The following TMEM132C variants were observed in gnomAD, a reference collection of about 807,000 sequenced individuals.
The protein encoded by TMEM132C is transmembrane protein 132C, also known as protein phosphatase 1, regulatory subunit 152.
A neutral mutation model predicts 61.4 loss-of-function variants in TMEM132C; 29 were observed. That is an observed-to-expected ratio of 0.47 (90% CI 0.35 to 0.64). The LOEUF is 0.64. Ranked by LOEUF, TMEM132C falls within the 30% of genes least tolerant of loss-of-function variation. TMEM132C has a pLI of 0.00. For missense variants in TMEM132C, 1,408 were observed against 1,476.9 expected (o/e 0.95, Z 0.76); for synonymous variants, 656 against 633.1 (o/e 1.04, Z -0.54).
chr12:128,604,810 ATG>A lies in TMEM132C; in HGVS notation c.1122-11341_1122-11340del, dbSNP rs1403377577. Among the ~76,000 whole-genome samples, 8 of 148,470 alleles carry A rather than the reference ATG, an allele frequency of 5.4e-5. No homozygotes were observed. The East Asian group carries it at 5.9e-4, about 11-fold the overall frequency. On this transcript the variant is annotated intron_variant, in intron 3 of 8. Coordinates refer to ENST00000435159, the MANE Select transcript of TMEM132C (RefSeq NM_001136103.3). The stretch of plus-strand genomic sequence containing the variant: ...TGAATAGATAGTAGATAGATGATGG[ATG>A]GATGGATGGATGGATAATAGATGGA...
chr12:128,528,094 A>G (rs1255452777), intron 2 of TMEM132C, among the ~76,000 whole-genome samples: 1 of 152,208 alleles, frequency 6.6e-6, no homozygotes, highest in Non-Finnish European at 1.5e-5. Flanking sequence ...TTACGATTGG[A>G]CATACTCACA....
chr12:128,470,374 C>T (rs1445302216), intron 2 of TMEM132C, among the ~76,000 whole-genome samples: 1 of 152,186 alleles, frequency 6.6e-6, no homozygotes, highest in East Asian at 1.9e-4. Context: ...GCTGAGTTGA[C>T]TTCCCTTTGG....
intron 2 of TMEM132C, among the ~76,000 whole-genome samples, chr12:128,503,802 A>C (rs538930501): frequency 6.6e-6 from 1 of 152,306 alleles, no homozygotes; most frequent in East Asian, 1.9e-4. Flanking sequence ...CCCAGGCCTG[A>C]CTGTCAACCC....
At chr12:128,364,385 T>G (rs1873799705) in intron 1 of TMEM132C, among the ~76,000 whole-genome samples, 1 of 151,728 alleles carries the variant, frequency 6.6e-6, no homozygotes, top group Non-Finnish European at 1.5e-5. Flanking sequence ...GTCTTTCTGT[T>G]GGACGACTGT....
At chr12:128,474,999 C>T (rs534067310) in intron 2 of TMEM132C, among the ~76,000 whole-genome samples, 14 of 152,246 alleles carry the variant, frequency 9.2e-5, no homozygotes, top group South Asian at 8.3e-4. Flanking sequence ...GACTTCTCCC[C>T]GCAGAGCACA....
At chr12:128,528,064 G>A (rs1303684383) in intron 2 of TMEM132C, among the ~76,000 whole-genome samples, 1 of 152,226 alleles carries the variant, frequency 6.6e-6, no homozygotes, top group Non-Finnish European at 1.5e-5. Context: ...AATGAGAAAT[G>A]TCAGCTGTTG....
chr12:128,664,029 CG>C (rs1235961612), intron 4 of TMEM132C, among the ~76,000 whole-genome samples: 2 of 137,448 alleles, frequency 1.5e-5, no homozygotes, highest in African/African-American at 5.4e-5. Context: ...CACAGGCACA[CG>C]CACCCACACG....
chr12:128,573,497 A>G (rs1357686120), intron 3 of TMEM132C, among the ~76,000 whole-genome samples: 1 of 152,116 alleles, frequency 6.6e-6, no homozygotes, highest in Non-Finnish European at 1.5e-5. Context: ...GATATACCTA[A>G]TGTAAATGAT....
chr12:128,634,334 C>T (rs1233883219), intron 4 of TMEM132C, among the ~76,000 whole-genome samples: 1 of 152,260 alleles, frequency 6.6e-6, no homozygotes, highest in African/African-American at 2.4e-5. Context: ...CTCAGCCTCC[C>T]AAAGTGCTGG....
intron 2 of TMEM132C, among the ~76,000 whole-genome samples, chr12:128,484,158 G>A (rs763583955): frequency 5.3e-5 from 8 of 152,196 alleles, no homozygotes; most frequent in Non-Finnish European, 1.2e-4. Context: ...CAGTGCACGA[G>A]GATGAAGCTA....
intron 3 of TMEM132C, among the ~76,000 whole-genome samples, chr12:128,583,332 G>C (rs1479286782): frequency 6.6e-6 from 1 of 151,420 alleles, no homozygotes; most frequent in Non-Finnish European, 1.5e-5. Context: ...GGCATGCAAT[G>C]CACTGGGGGG....
intron 8 of TMEM132C, among the ~76,000 whole-genome samples, chr12:128,703,547 T>G (rs1954817288): frequency 6.6e-6 from 1 of 152,182 alleles, no homozygotes; most frequent in African/African-American, 2.4e-5. Flanking sequence ...AGTTTATCAT[T>G]AATGGTCTGG....
chr12:128,637,868 C>A (rs1291990958), intron 4 of TMEM132C, among the ~76,000 whole-genome samples: 1 of 152,206 alleles, frequency 6.6e-6, no homozygotes, highest in African/African-American at 2.4e-5. Context: ...TTTCTGTGAC[C>A]TAATTTCTCT....
intron 1 of TMEM132C, among the ~76,000 whole-genome samples, chr12:128,334,126 T>G (rs775335931): frequency 3.3e-5 from 5 of 152,164 alleles, no homozygotes; most frequent in Non-Finnish European, 7.4e-5. Flanking sequence ...TAACAAACAC[T>G]GAAAACTTCT....
At chr12:128,381,107 A>C (rs1346031024) in intron 1 of TMEM132C, among the ~76,000 whole-genome samples, 2 of 152,216 alleles carry the variant, frequency 1.3e-5, no homozygotes, top group Non-Finnish European at 2.9e-5. Flanking sequence ...GGACCGCAGA[A>C]AGGCCACTTG....
intron 1 of TMEM132C, among the ~76,000 whole-genome samples, chr12:128,396,029 AGT>A (rs887377162): frequency 3.7e-4 from 56 of 152,192 alleles, no homozygotes; most frequent in African/African-American, 1.2e-3. Flanking sequence ...GAAGCCCTTT[AGT>A]AGAGTTGGTG....
chr12:128,287,841 T>C (rs1428187714), intron 1 of TMEM132C, among the ~76,000 whole-genome samples: 2 of 152,230 alleles, frequency 1.3e-5, no homozygotes, highest in East Asian at 3.8e-4. Flanking sequence ...CCTTTTTTTG[T>C]CTTCATAACT....
intron 2 of TMEM132C, among the ~76,000 whole-genome samples, chr12:128,436,042 A>G (rs996481892): frequency 7.2e-5 from 11 of 152,340 alleles, no homozygotes; most frequent in Non-Finnish European, 1.5e-4. Context: ...AAAACAAGAA[A>G]TGGGGAAAGG....
chr12:128,701,419 C>T (rs1044369334), intron 8 of TMEM132C, among the ~76,000 whole-genome samples: 1 of 152,208 alleles, frequency 6.6e-6, no homozygotes, highest in South Asian at 2.1e-4. Context: ...CCCAATCCAA[C>T]TCAACCTGCC....
Sources: gnomAD v4.1 joint callset for allele counts (sites outside exome capture counted in the v4.1 genomes callset) on GRCh38, gnomAD v4.1.1 for gene constraint, MANE v1.5 for transcripts, NCBI Gene and HGNC (gene_info 2026-07-23, HGNC 2026-07-21) for gene names.